The following BMP6 variants were observed in gnomAD, a reference collection of about 807,000 sequenced individuals.
The protein encoded by BMP6 is VG-1-R.
Under a neutral mutation model 54.1 loss-of-function variants are expected in BMP6, and 17 were observed. That is an observed-to-expected ratio of 0.31 (90% CI 0.22 to 0.47). The LOEUF is 0.47. Ranked by LOEUF, BMP6 falls within the 20% of genes least tolerant of loss-of-function variation. The probability of loss-of-function intolerance (pLI) is 1.00; values close to 1 mark genes in which losing one functional copy is unlikely to be tolerated. For missense variants in BMP6, 720 were observed against 690.4 expected (o/e 1.04, Z -0.48); for synonymous variants, 328 against 291.2 (o/e 1.13, Z -1.28).
intron 4 of BMP6, 111 bp from the exon 5 acceptor site, chr6:7,878,963 G>T (rs1759666565): frequency 9.6e-7 from 1 of 1,041,264 alleles, no homozygotes; most frequent in South Asian, 1.4e-5. Context: ...TATCTAGGAG[G>T]CTATCCTGAG....
intron 4 of BMP6, among the ~76,000 whole-genome samples, chr6:7,874,704 C>T (rs1759578589): frequency 6.6e-6 from 1 of 152,074 alleles, no homozygotes; most frequent in Non-Finnish European, 1.5e-5. Flanking sequence ...GCCATGATCA[C>T]ACCACTGCAC....
At chr6:7,806,528 G>C (rs913393326) in intron 1 of BMP6, among the ~76,000 whole-genome samples, 5 of 151,790 alleles carry the variant, frequency 3.3e-5, no homozygotes, top group African/African-American at 9.7e-5. Flanking sequence ...GTATTCTATT[G>C]GCTATTGATG....
intron 1 of BMP6, among the ~76,000 whole-genome samples, chr6:7,827,453 G>A (rs1017753004): frequency 6.6e-6 from 1 of 152,198 alleles, no homozygotes; most frequent in Non-Finnish European, 1.5e-5. Flanking sequence ...GAGAGTAACT[G>A]AGAAACCTTT....
At chr6:7,743,860 T>TA (rs776704991) in intron 1 of BMP6, among the ~76,000 whole-genome samples, 1 of 152,258 alleles carries the variant, frequency 6.6e-6, no homozygotes, top group Admixed American at 6.5e-5. Flanking sequence ...ACTAAACTCT[T>TA]ACCTAAGTGC....
intron 1 of BMP6, among the ~76,000 whole-genome samples, chr6:7,785,961 G>T (rs909801765): frequency 6.6e-6 from 1 of 152,138 alleles, no homozygotes; most frequent in Non-Finnish European, 1.5e-5. Context: ...GAATTCTATT[G>T]CAGTGATGCA....
intron 1 of BMP6, among the ~76,000 whole-genome samples, chr6:7,790,779 C>T (rs1758090084): frequency 6.6e-6 from 1 of 152,182 alleles, no homozygotes; most frequent in South Asian, 2.1e-4. Context: ...CTCCATAGGA[C>T]ATCGCCACAT....
intron 1 of BMP6, among the ~76,000 whole-genome samples, chr6:7,743,336 T>G (rs1757298685): frequency 1.3e-5 from 2 of 152,222 alleles, no homozygotes; most frequent in Admixed American, 1.3e-4. Flanking sequence ...AAGGTTAATG[T>G]GTCTTGACAA....
rs550089186 is a variant in BMP6, at chr6:7,791,054, C to T, written c.665-54086C>T. Among the ~76,000 whole-genome samples, 3 of 152,226 alleles carry T rather than the reference C, an allele frequency of 2.0e-5. No homozygotes were observed. The South Asian group carries it at 6.2e-4, about 32-fold the overall frequency. On this transcript the variant is annotated intron_variant, in intron 1 of 6. Coordinates refer to ENST00000283147, the MANE Select transcript of BMP6 (RefSeq NM_001718.6). ...CTCTCCCCTCTCCTCCGACAAAATC[C>T]AAAAGTATGGTCTACACTCATACTT...
chr6:7,757,814 A>G (rs1291314361), intron 1 of BMP6, among the ~76,000 whole-genome samples: 1 of 152,222 alleles, frequency 6.6e-6, no homozygotes, highest in Non-Finnish European at 1.5e-5. Context: ...TTCATAGATC[A>G]GGAATGCCCA....
intron 1 of BMP6, among the ~76,000 whole-genome samples, chr6:7,737,631 T>G (rs1332156129): frequency 1.3e-5 from 2 of 151,982 alleles, no homozygotes; most frequent in Non-Finnish European, 2.9e-5. Context: ...CTGTCTTGCT[T>G]TCCCTTTTTT....
At position 7,730,526 on chromosome 6, in the gene BMP6, C is replaced by G. The variant is rs534844638; in HGVS notation, c.664+2907C>G. Among the ~76,000 whole-genome samples, 3 of 152,074 alleles carry G rather than the reference C, an allele frequency of 2.0e-5. No homozygotes were observed. The South Asian group carries it at 6.2e-4, about 32-fold the overall frequency. ...GATAGTGTGAAGAGAAAACCTTTTG[C>G]GGGTAAGTAGAATCCAAGCAGCAAG... On this transcript the variant is annotated intron_variant, in intron 1 of 6. Transcript: ENST00000283147.
chr6:7,830,151 C>A (rs7768988), intron 1 of BMP6, among the ~76,000 whole-genome samples: 10 of 151,978 alleles, frequency 6.6e-5, no homozygotes, highest in Admixed American at 3.9e-4. Context: ...GAGCACCCCC[C>A]CTCTCTCTCA....
At chr6:7,774,158 C>G (rs543119994) in intron 1 of BMP6, among the ~76,000 whole-genome samples, 1 of 152,324 alleles carries the variant, frequency 6.6e-6, no homozygotes, top group East Asian at 1.9e-4. Flanking sequence ...ACACATGGAA[C>G]TCAATCCACG....
intron 1 of BMP6, among the ~76,000 whole-genome samples, chr6:7,749,029 G>A (rs1193552098): frequency 6.6e-6 from 1 of 152,204 alleles, no homozygotes; most frequent in Admixed American, 6.5e-5. Flanking sequence ...CCACATTGAT[G>A]CTACTAGTAT....
chr6:7,744,119 A>G, intron 1 of BMP6, among the ~76,000 whole-genome samples: 1 of 152,202 alleles, frequency 6.6e-6, no homozygotes, highest in Admixed American at 6.5e-5. Flanking sequence ...TTTATCAGGT[A>G]TCTATTCTGT....
chr6:7,878,356 T>TG (rs932010434), intron 4 of BMP6, among the ~76,000 whole-genome samples: 4 of 152,170 alleles, frequency 2.6e-5, no homozygotes, highest in South Asian at 2.1e-4. Flanking sequence ...CTCAGTGAAT[T>TG]GGGGCACCCC....
At chr6:7,829,719 C>T (rs1225380050) in intron 1 of BMP6, among the ~76,000 whole-genome samples, 1 of 152,060 alleles carries the variant, frequency 6.6e-6, no homozygotes, top group Non-Finnish European at 1.5e-5. Context: ...TAAAAATGCA[C>T]CATCTGGTGC....
At chr6:7,879,874 C>T (rs936945517) in intron 5 of BMP6, 117 bp from the exon 6 acceptor site, 53 of 1,029,670 alleles carry the variant, frequency 5.1e-5, no homozygotes, top group Admixed American at 1.9e-4. Flanking sequence ...AGCCTTCCTG[C>T]GTCTGTATCC....
Position 7,861,617 on chromosome 6 carries a change from A to G in BMP6, c.1006+18A>G. On this transcript the variant is annotated intron_variant, in intron 3 of 6. Coordinates refer to ENST00000283147, the MANE Select transcript of BMP6 (RefSeq NM_001718.6). ...AAGGGATGGTAAGTTATTATCCGCAAGCCTCCAACGTCCAGCAAGTCATCA... is the reference window on the plus strand; with the variant it reads ...AAGGGATGGTAAGTTATTATCCGCAGGCCTCCAACGTCCAGCAAGTCATCA... The G allele has an allele frequency of 6.2e-7, 1 of 1,613,532 alleles. No homozygotes were observed. The highest frequency in any genetic ancestry group is 8.5e-7 in the Non-Finnish European group (1 of 1,179,562).
Sources: gnomAD v4.1 joint callset for allele counts (sites outside exome capture counted in the v4.1 genomes callset) on GRCh38, gnomAD v4.1.1 for gene constraint, MANE v1.5 for transcripts, NCBI Gene and HGNC (gene_info 2026-07-23, HGNC 2026-07-21) for gene names.